Variants in HOOK3 observed in about 807,000 individuals in gnomAD.
HOOK3 encodes the protein hook microtubule tethering protein 3.
In HOOK3, 24 loss-of-function variants were observed where a neutral mutation model predicts 116.3. That is an observed-to-expected ratio of 0.21 (90% CI 0.15 to 0.29). The LOEUF (loss-of-function observed/expected upper bound fraction) is 0.29. Ranked by LOEUF, HOOK3 falls within the 10% of genes least tolerant of loss-of-function variation. HOOK3 has a pLI of 1.00. For synonymous variants in HOOK3, 275 were observed against 283.0 expected (o/e 0.97, Z 0.28); for missense variants, 632 against 830.2 (o/e 0.76, Z 2.93).
intron 11 of HOOK3, 96 bp from the exon 12 acceptor site, chr8:42,973,193 G>T: frequency 7.5e-7 from 1 of 1,332,050 alleles, no homozygotes; most frequent in East Asian, 2.4e-5. Flanking sequence ...GAGTACTGGT[G>T]GGAGAGATTT....
At chr8:42,983,240 G>A (rs1808986798) in intron 14 of HOOK3, among the ~76,000 whole-genome samples, 1 of 151,566 alleles carries the variant, frequency 6.6e-6, no homozygotes, top group Non-Finnish European at 1.5e-5. Context: ...AGGCTGAGGC[G>A]GGAGAATGGT....
chr8:42,926,631 T>C (rs1007074120), intron 3 of HOOK3, among the ~76,000 whole-genome samples: 1 of 152,196 alleles, frequency 6.6e-6, no homozygotes, highest in Non-Finnish European at 1.5e-5. Flanking sequence ...GCAAAAAATG[T>C]GTACTAAGAG....
At chr8:42,906,565 A>G (rs749911321) in intron 2 of HOOK3, among the ~76,000 whole-genome samples, 9 of 152,046 alleles carry the variant, frequency 5.9e-5, no homozygotes, top group Non-Finnish European at 1.0e-4. Flanking sequence ...TAAGATGCTT[A>G]CTCCATTTTT....
chr8:42,948,362 T>C (rs1425432119), intron 5 of HOOK3, among the ~76,000 whole-genome samples: 2 of 152,180 alleles, frequency 1.3e-5, no homozygotes, highest in Non-Finnish European at 2.9e-5. Context: ...TCATTTGTAT[T>C]TTGGACTTTT....
chr8:42,997,468 C>A, intron 15 of HOOK3, 82 bp from the exon 16 acceptor site: 2 of 799,842 alleles, frequency 2.5e-6, no homozygotes, highest in Non-Finnish European at 4.1e-6. Context: ...GCTAATTATA[C>A]TTTCTAACTA....
intron 12 of HOOK3, 43 bp from the exon 13 acceptor site, chr8:42,974,064 T>C (rs112307387): frequency 7.1e-7 from 1 of 1,417,620 alleles, no homozygotes; most frequent in South Asian, 1.2e-5. Flanking sequence ...GAATAAATTC[T>C]TAAAACGTGA....
chr8:43,013,258 T>A (rs1418638940), intron 20 of HOOK3, 71 bp from the exon 21 acceptor site: 2 of 1,411,380 alleles, frequency 1.4e-6, no homozygotes, highest in African/African-American at 2.9e-5. Context: ...AACAATTAAT[T>A]GTAAGTATTT....
chr8:42,987,016 G>A (rs545655408), intron 15 of HOOK3, among the ~76,000 whole-genome samples: 1 of 152,120 alleles, frequency 6.6e-6, no homozygotes, highest in Admixed American at 6.6e-5. Flanking sequence ...GCAAAAATTA[G>A]CCAGGCATGG....
At chr8:42,917,571 T>C (rs1451538431) in intron 2 of HOOK3, among the ~76,000 whole-genome samples, 1 of 152,186 alleles carries the variant, frequency 6.6e-6, no homozygotes, top group Non-Finnish European at 1.5e-5. Context: ...TTCCAAGAGT[T>C]TAGGAGATCA....
Position 42,968,113 on chromosome 8 carries a change from G to A in HOOK3, c.1021G>A (p.Glu341Lys). ...TTTAAGGCGGCAGGTTAAACTCTTA[G>A]AAGAGAAGAATACCATGTATATGCA... ...GDLRRQVKLL[E>K]EKNTMYMQNT... The change falls in exon 11 of 22, where the codon GAA (glutamate) becomes AAA (lysine). Residue 341 changes from glutamate to lysine, a missense_variant. Around this residue, in one of 3 missense-constraint regions of HOOK3, gnomAD observed 483 missense variants for 648.1 expected, o/e 0.75. Coordinates refer to ENST00000307602, the MANE Select transcript of HOOK3 (RefSeq NM_032410.4). The A allele has an allele frequency of 1.2e-6, 2 of 1,612,564 alleles. No homozygotes were observed. The highest frequency in any genetic ancestry group is 1.7e-6 in the Non-Finnish European group (2 of 1,178,680).
chr8:42,928,736 C>G (rs1426179146), intron 3 of HOOK3, among the ~76,000 whole-genome samples: 1 of 151,996 alleles, frequency 6.6e-6, no homozygotes, highest in Non-Finnish European at 1.5e-5. Context: ...TTTTATGATG[C>G]CATTGATTAA....
intron 4 of HOOK3, among the ~76,000 whole-genome samples, chr8:42,939,738 C>T (rs1209310984): frequency 4.0e-5 from 6 of 149,242 alleles, no homozygotes; most frequent in Non-Finnish European, 7.4e-5. Context: ...GGGCGGCTGC[C>T]GGGCGGAGGG....
chr8:42,974,517 G>C (rs1173229137), intron 13 of HOOK3, among the ~76,000 whole-genome samples: 3 of 152,012 alleles, frequency 2.0e-5, no homozygotes, highest in Non-Finnish European at 4.4e-5. Context: ...GGGATTATAG[G>C]CGTGAGCCAC....
intron 6 of HOOK3, among the ~76,000 whole-genome samples, chr8:42,953,826 A>G (rs1420198197): frequency 6.6e-6 from 1 of 152,192 alleles, no homozygotes; most frequent in Non-Finnish European, 1.5e-5. Context: ...TATTGTCTTC[A>G]TTTTATAAAA....
rs139257689 is a variant in HOOK3, at chr8:43,014,902, T to C, written c.2016+1502T>C. On this transcript the variant is annotated intron_variant, in intron 21 of 21. Transcript: ENST00000307602. ...GCTAATGCCTGTAATCATGGCACTT[T>C]GGGAGTCTGAGGCAGGCAGATCACC... is the stretch of plus-strand genomic sequence containing the variant. Among the ~76,000 whole-genome samples, 26 of 152,232 alleles carry C rather than the reference T, an allele frequency of 1.7e-4. No individual in the cohort carries two copies. In the East Asian group the frequency reaches 3.9e-3, roughly 23 times the overall value.
chr8:42,957,768 G>A (rs1018063752), intron 7 of HOOK3, among the ~76,000 whole-genome samples: 28 of 151,024 alleles, frequency 1.9e-4, no homozygotes, highest in African/African-American at 6.6e-4. Context: ...AAGGAATCCC[G>A]CAATGTATTT....
intron 8 of HOOK3, among the ~76,000 whole-genome samples, chr8:42,962,818 T>G (rs1808561067): frequency 6.7e-6 from 1 of 148,326 alleles, no homozygotes. Flanking sequence ...TTTTTTTTTT[T>G]GAGACAAAGT....
At chr8:42,922,521 C>G (rs1807676546) in intron 2 of HOOK3, among the ~76,000 whole-genome samples, 1 of 152,090 alleles carries the variant, frequency 6.6e-6, no homozygotes, top group Non-Finnish European at 1.5e-5. Flanking sequence ...CATGCCATTT[C>G]ACTCCAGCCT....
chr8:42,901,571 C>T (rs1245105225), intron 1 of HOOK3, among the ~76,000 whole-genome samples: 2 of 152,124 alleles, frequency 1.3e-5, no homozygotes, highest in African/African-American at 4.8e-5. Context: ...TCACTTTGGT[C>T]TTGCAGCAGA....
Sources: allele counts gnomAD v4.1 joint callset (sites outside exome capture counted in the v4.1 genomes callset), GRCh38; gene constraint gnomAD v4.1.1; regional missense constraint gnomAD v4.1.1; transcripts MANE v1.5; gene names NCBI Gene and HGNC (gene_info 2026-07-23, HGNC 2026-07-21).